Variants in DNAJC1 observed in about 807,000 individuals in gnomAD.
DNAJC1 encodes the protein DnaJ heat shock protein family (Hsp40) member C1, also known as dnaJ homolog subfamily C member 1.
Under a neutral mutation model 76.6 loss-of-function variants are expected in DNAJC1, and 58 were observed. The observed-to-expected ratio is 0.76, with a 90% confidence interval of 0.61 to 0.94. The LOEUF is 0.94. Among genes scored for constraint, DNAJC1 ranks in the 40% least tolerant of loss-of-function variants. The pLI, the probability that DNAJC1 is intolerant of heterozygous loss-of-function variation, is 0.00. For missense variants in DNAJC1, 689 were observed against 677.3 expected, an observed-to-expected ratio of 1.02 and a Z score of -0.19; for synonymous variants, 258 against 267.9, an observed-to-expected ratio of 0.96 and a Z score of 0.36.
intron 8 of DNAJC1, among the ~76,000 whole-genome samples, chr10:21,851,498 A>G (rs1370531735): frequency 2.6e-5 from 4 of 152,224 alleles, no homozygotes; most frequent in Non-Finnish European, 5.9e-5. Flanking sequence ...AGTGAAGGTG[A>G]GAATATGGAG....
At chr10:21,876,061 G>GA (rs1564814777) in intron 8 of DNAJC1, among the ~76,000 whole-genome samples, 1 of 149,668 alleles carries the variant, frequency 6.7e-6, no homozygotes, top group Admixed American at 6.7e-5. Context: ...ATAAATGTAA[G>GA]AAAAAATATC....
chr10:21,895,113 T>G (rs562687404), intron 7 of DNAJC1, among the ~76,000 whole-genome samples: 99 of 152,208 alleles, frequency 6.5e-4, no homozygotes, highest in African/African-American at 2.2e-3. Context: ...TACCTGAAAA[T>G]GTAGAAGTGG....
intron 3 of DNAJC1, among the ~76,000 whole-genome samples, chr10:21,922,550 T>G (rs954179792): frequency 2.0e-5 from 3 of 152,022 alleles, no homozygotes; most frequent in African/African-American, 7.2e-5. Context: ...TTTCAATGTT[T>G]ATCGAAATTC....
chr10:21,886,274 G>A (rs979954691), intron 7 of DNAJC1, among the ~76,000 whole-genome samples: 3 of 151,926 alleles, frequency 2.0e-5, no homozygotes, highest in African/African-American at 7.2e-5. Flanking sequence ...TCCTAAGACT[G>A]AACCAGAAAG....
chr10:21,890,421 CAAAAA>C (rs1007952107), intron 7 of DNAJC1, among the ~76,000 whole-genome samples: 1 of 52,678 alleles, frequency 1.9e-5, no homozygotes, highest in Non-Finnish European at 5.1e-5. Context: ...TCCCCCCCTA[CAAAAA>C]AAAAAAAAAA....
chr10:21,947,605 A>G (rs1157707034), intron 1 of DNAJC1, among the ~76,000 whole-genome samples: 1 of 152,210 alleles, frequency 6.6e-6, no homozygotes, highest in East Asian at 1.9e-4. Flanking sequence ...GTAGGCTACT[A>G]GTAGTTACGT....
At chr10:21,772,170 T>G (rs2131622029) in intron 9 of DNAJC1, among the ~76,000 whole-genome samples, 1 of 152,246 alleles carries the variant, frequency 6.6e-6, no homozygotes. Context: ...TTCATCCATA[T>G]TTATAAAAAC....
chr10:21,971,918 A>G (rs1048276783), intron 1 of DNAJC1, among the ~76,000 whole-genome samples: 3 of 151,896 alleles, frequency 2.0e-5, no homozygotes, highest in Admixed American at 6.6e-5. Context: ...GAAATTTCCA[A>G]TTCTCAGAAA....
chr10:21,918,759 A>G lies in DNAJC1; in HGVS notation c.729+20T>C. On this transcript the variant is annotated intron_variant, in intron 6 of 11. Transcript: ENST00000376980. ...TTAAAAATAAAAGATCTAATGTTAT[A>G]TAAAAGAGGTACATTTTACCTGGAT... 6.4e-7 allele frequency: 1 copy of G among 1,555,178 alleles called. No homozygotes were observed. Among genetic ancestry groups the G allele is most frequent in the Non-Finnish European group, 8.9e-7 (1 of 1,126,886 alleles).
At chr10:21,924,878 G>C (rs1007325568) in intron 3 of DNAJC1, among the ~76,000 whole-genome samples, 2 of 152,148 alleles carry the variant, frequency 1.3e-5, no homozygotes, top group Non-Finnish European at 2.9e-5. Context: ...TTGCTGTACT[G>C]AACACTGTAG....
intron 7 of DNAJC1, among the ~76,000 whole-genome samples, chr10:21,892,948 C>T (rs1048911690): frequency 6.6e-6 from 1 of 152,104 alleles, no homozygotes; most frequent in African/African-American, 2.4e-5. Flanking sequence ...AATACCCCCT[C>T]TCAATAATTA....
At chr10:21,868,093 A>AAAAAAAC (rs1836038123) in intron 8 of DNAJC1, among the ~76,000 whole-genome samples, 3 of 149,372 alleles carry the variant, frequency 2.0e-5, no homozygotes, top group East Asian at 2.0e-4. Flanking sequence ...AAAAAAACAA[A>AAAAAAAC]AAAAAAAACA....
chr10:21,827,800 A>AC (rs1384906385), intron 8 of DNAJC1, among the ~76,000 whole-genome samples: 1 of 151,984 alleles, frequency 6.6e-6, no homozygotes, highest in Non-Finnish European at 1.5e-5. Flanking sequence ...ATACTATTCA[A>AC]CCCACTATAC....
chr10:21,897,168 T>A (rs1365168733), intron 7 of DNAJC1, among the ~76,000 whole-genome samples: 2 of 152,146 alleles, frequency 1.3e-5, no homozygotes, highest in African/African-American at 4.8e-5. Context: ...CAGACCAGTA[T>A]CTCTCATGAA....
chr10:21,761,569 C>T (rs1465982839), intron 10 of DNAJC1, among the ~76,000 whole-genome samples: 1 of 142,402 alleles, frequency 7.0e-6, no homozygotes, highest in Admixed American at 7.0e-5. Context: ...AAAAAAAAAT[C>T]TAGATATAAT....
chr10:21,891,476 C>CAAAAAAAA (rs369729722), intron 7 of DNAJC1, among the ~76,000 whole-genome samples: 4 of 38,854 alleles, frequency 1.0e-4, no homozygotes, highest in Admixed American at 3.1e-4. Flanking sequence ...ACAAAGTAGA[C>CAAAAAAAA]AAAAAAAAAA....
At chr10:21,788,244 C>T (rs1834636933) in intron 9 of DNAJC1, among the ~76,000 whole-genome samples, 1 of 152,238 alleles carries the variant, frequency 6.6e-6, no homozygotes. Flanking sequence ...CTGTGCACTG[C>T]CTCCGCTGGA....
chr10:21,887,117 CAG>C (rs2131727059), intron 7 of DNAJC1, among the ~76,000 whole-genome samples: 1 of 152,162 alleles, frequency 6.6e-6, no homozygotes, highest in South Asian at 2.1e-4. Context: ...AGAGTCAAAT[CAG>C]AAAGGCAATC....
chr10:21,905,651 C>A (rs563781117), intron 6 of DNAJC1, among the ~76,000 whole-genome samples: 12 of 152,144 alleles, frequency 7.9e-5, no homozygotes, highest in African/African-American at 2.9e-4. Flanking sequence ...ATGTTATATT[C>A]TCTTCCAGAT....
Sources: allele counts gnomAD v4.1 joint callset (sites outside exome capture counted in the v4.1 genomes callset), GRCh38; gene constraint gnomAD v4.1.1; transcripts MANE v1.5; gene names NCBI Gene and HGNC (gene_info 2026-07-23, HGNC 2026-07-21).